CPED1: variants seen among roughly 807,000 people sequenced by gnomAD.
CPED1 encodes the protein cadherin like and PC-esterase domain containing 1, also known as cadherin-like and PC-esterase domain-containing protein 1.
CPED1 carries 114 observed loss-of-function variants against 128.2 expected under a neutral mutation model. That is an observed-to-expected ratio of 0.89 (90% confidence interval 0.76 to 1.04). The LOEUF (loss-of-function observed/expected upper bound fraction) is 1.04, where lower values mean the gene tolerates loss of function less well. CPED1 is among the 50% of genes least tolerant of loss of function. CPED1 has a pLI of 0.00. For missense variants in CPED1, 1,211 were observed against 1,207.1 expected, an observed-to-expected ratio of 1.00 and a Z score of -0.05; for synonymous variants, 462 against 426.7, an observed-to-expected ratio of 1.08 and a Z score of -1.02.
intron 3 of CPED1, among the ~76,000 whole-genome samples, chr7:121,032,980 G>A (rs1321190850): frequency 2.6e-5 from 4 of 152,252 alleles, no homozygotes; most frequent in Non-Finnish European, 2.9e-5. Context: ...AAGCATACAC[G>A]TTAGGATCCA....
chr7:121,284,818 A>G (rs2116778396), intron 22 of CPED1, among the ~76,000 whole-genome samples: 1 of 152,274 alleles, frequency 6.6e-6, no homozygotes, highest in South Asian at 2.1e-4. Context: ...GATGGCGTTG[A>G]GTGTCTGTGG....
intron 5 of CPED1, among the ~76,000 whole-genome samples, chr7:121,097,417 G>A (rs1392205336): frequency 6.6e-6 from 1 of 152,016 alleles, no homozygotes; most frequent in African/African-American, 2.4e-5. Flanking sequence ...GCTTGATGTT[G>A]GACAGTTAGA....
chr7:121,159,811 TATC>T lies in CPED1; in HGVS notation c.2055+17674_2055+17676del, dbSNP rs777769605. Among the ~76,000 whole-genome samples, 146 of 152,312 alleles carry T rather than the reference TATC, an allele frequency of 9.6e-4. 1 individual carries two copies. The highest frequency in any genetic ancestry group is 5.0e-4 in the Non-Finnish European group (34 of 68,012). On this transcript the variant is annotated intron_variant, in intron 16 of 22. Coordinates refer to ENST00000310396, the MANE Select transcript of CPED1 (RefSeq NM_024913.5). ...TCTCCAGGCCAAAGCTTAGGTCTTTTATCATCCTCACGTAGCACAATGCCTGGA... is the reference window on the plus strand; with the variant it reads ...TCTCCAGGCCAAAGCTTAGGTCTTTTATCCTCACGTAGCACAATGCCTGGA...
intron 16 of CPED1, among the ~76,000 whole-genome samples, chr7:121,192,709 T>G (rs577107921): frequency 6.6e-6 from 1 of 152,120 alleles, no homozygotes; most frequent in East Asian, 1.9e-4. Flanking sequence ...AATGAAAGGA[T>G]AGAGAAAATT....
chr7:121,143,764 C>T (rs1795957511), intron 16 of CPED1, among the ~76,000 whole-genome samples: 1 of 151,834 alleles, frequency 6.6e-6, no homozygotes. Flanking sequence ...TGGCAGTATC[C>T]ACTAAAGCTA....
At chr7:121,184,904 A>C (rs1004295479) in intron 16 of CPED1, among the ~76,000 whole-genome samples, 1 of 152,184 alleles carries the variant, frequency 6.6e-6, no homozygotes, top group Admixed American at 6.6e-5. Flanking sequence ...AAAGCATAAA[A>C]ATAATTGTTG....
chr7:121,140,411 A>G (rs1795874485), intron 14 of CPED1, among the ~76,000 whole-genome samples: 1 of 151,810 alleles, frequency 6.6e-6, no homozygotes, highest in Non-Finnish European at 1.5e-5. Context: ...ACATTAAGAA[A>G]TTTTCCTCAT....
intron 18 of CPED1, among the ~76,000 whole-genome samples, chr7:121,252,123 C>T (rs1798686753): frequency 6.6e-6 from 1 of 151,156 alleles, no homozygotes; most frequent in Admixed American, 6.6e-5. Context: ...GAGATATAGA[C>T]CAATGGAACA....
intron 16 of CPED1, among the ~76,000 whole-genome samples, chr7:121,203,828 AAAG>A (rs1354444552): frequency 2.0e-5 from 3 of 152,130 alleles, no homozygotes; most frequent in African/African-American, 4.8e-5. Flanking sequence ...GAGCAGAGGA[AAAG>A]AAGAAGAATA....
At chr7:121,058,933 C>G (rs1391314644) in intron 4 of CPED1, among the ~76,000 whole-genome samples, 2 of 152,150 alleles carry the variant, frequency 1.3e-5, no homozygotes, top group African/African-American at 4.8e-5. Context: ...TTACTAATCC[C>G]ATTAGAGCTT....
At chr7:121,053,717 T>G (rs1280155478) in intron 4 of CPED1, among the ~76,000 whole-genome samples, 24 of 152,268 alleles carry the variant, frequency 1.6e-4, no homozygotes, top group African/African-American at 2.4e-5. Context: ...TCTATTTCTC[T>G]TATTACTTTC....
chr7:120,990,970 C>T (rs1054370787), intron 2 of CPED1, among the ~76,000 whole-genome samples: 4 of 152,186 alleles, frequency 2.6e-5, no homozygotes, highest in Non-Finnish European at 5.9e-5. Context: ...AACAAGGAGC[C>T]TGACAGTGCC....
rs575365357 is a variant in CPED1, at chr7:121,213,420, A to G, written c.2056-23294A>G. Among the ~76,000 whole-genome samples, 3 of 152,166 alleles carry G rather than the reference A, an allele frequency of 2.0e-5. No homozygotes were observed. In the East Asian group the frequency reaches 5.8e-4, roughly 30 times the overall value. On this transcript the variant is annotated intron_variant, in intron 16 of 22. Coordinates refer to ENST00000310396, the MANE Select transcript of CPED1 (RefSeq NM_024913.5). Reference sequence around the variant, plus strand: ...TCCTACCCTGGGGCTTGGCATAACCAAGTTCTCTATAAATGGCATTTCCCT... The same window carrying G: ...TCCTACCCTGGGGCTTGGCATAACCGAGTTCTCTATAAATGGCATTTCCCT...
At chr7:121,208,218 A>G (rs1797564391) in intron 16 of CPED1, among the ~76,000 whole-genome samples, 1 of 152,062 alleles carries the variant, frequency 6.6e-6, no homozygotes, top group Admixed American at 6.6e-5. Flanking sequence ...TATTTTATAT[A>G]TTACGTATCT....
chr7:121,127,353 A>G, intron 10 of CPED1, 96 bp downstream of exon 10: 1 of 751,946 alleles, frequency 1.3e-6, no homozygotes. Flanking sequence ...TTGATAATTC[A>G]CTTCAAATTA....
intron 16 of CPED1, among the ~76,000 whole-genome samples, chr7:121,210,591 A>G (rs567853631): frequency 6.6e-6 from 1 of 152,144 alleles, no homozygotes; most frequent in African/African-American, 2.4e-5. Flanking sequence ...ACTCATTTGC[A>G]GGAGCTAAAA....
At chr7:121,040,062 G>A (rs2116884785) in intron 3 of CPED1, among the ~76,000 whole-genome samples, 1 of 152,122 alleles carries the variant, frequency 6.6e-6, no homozygotes, top group African/African-American at 2.4e-5. Flanking sequence ...GGCCATTCAT[G>A]GAGAGAATGG....
intron 3 of CPED1, among the ~76,000 whole-genome samples, chr7:121,040,896 T>C (rs1049843733): frequency 5.9e-5 from 9 of 152,026 alleles, no homozygotes; most frequent in Non-Finnish European, 1.0e-4. Context: ...CTCTTGGACA[T>C]GTTTTTTTCC....
At chr7:121,076,099 A>T (rs1023550607) in intron 5 of CPED1, among the ~76,000 whole-genome samples, 2 of 152,138 alleles carry the variant, frequency 1.3e-5, no homozygotes, top group African/African-American at 4.8e-5. Flanking sequence ...CACTCTAATA[A>T]TTTTGAATGA....
Sources: allele counts gnomAD v4.1 joint callset (sites outside exome capture counted in the v4.1 genomes callset), GRCh38; gene constraint gnomAD v4.1.1; transcripts MANE v1.5; gene names NCBI Gene and HGNC (gene_info 2026-07-23, HGNC 2026-07-21).